NCKAP5: variants seen among roughly 807,000 people sequenced by gnomAD.
NCKAP5 encodes NCK associated protein 5, also known as nck-associated protein 5.
In NCKAP5, 92 loss-of-function variants were observed where a neutral mutation model predicts 167.0. That is an observed-to-expected ratio of 0.55 (90% CI 0.47 to 0.66). The LOEUF (loss-of-function observed/expected upper bound fraction) is 0.66. NCKAP5 is among the 30% of genes least tolerant of loss of function. The probability of loss-of-function intolerance (pLI) is 0.00; values close to 1 mark genes in which losing one functional copy is unlikely to be tolerated. For synonymous variants in NCKAP5, 891 were observed against 877.4 expected, an observed-to-expected ratio of 1.02 and a Z score of -0.27; for missense variants, 2,378 against 2,315.0, an observed-to-expected ratio of 1.03 and a Z score of -0.56.
chr2:133,231,694 A>G (rs929483937), intron 4 of NCKAP5, among the ~76,000 whole-genome samples: 12 of 152,214 alleles, frequency 7.9e-5, no homozygotes, highest in Non-Finnish European at 1.3e-4. Context: ...ATCAAAAAAA[A>G]AATACTAACG....
At chr2:133,259,522 T>C (rs1043867359) in intron 4 of NCKAP5, among the ~76,000 whole-genome samples, 1 of 152,172 alleles carries the variant, frequency 6.6e-6, no homozygotes, top group Non-Finnish European at 1.5e-5. Flanking sequence ...AGGGAGATCA[T>C]GTCAAAACAG....
rs72987688 is a variant in NCKAP5 at position 133,331,635 on chromosome 2, A to C, written c.70-28525T>G. ...GACTTGGGTACTACTTTTCCACTTAAGGGCATAAACAGCCAACCCAGGACC... is the reference window on the plus strand; with the variant it reads ...GACTTGGGTACTACTTTTCCACTTACGGGCATAAACAGCCAACCCAGGACC... On this transcript the variant is annotated intron_variant, in intron 3 of 19. Coordinates refer to ENST00000409261, the MANE Select transcript of NCKAP5 (RefSeq NM_207363.3). Among the ~76,000 whole-genome samples the C allele has an allele frequency of 3.3e-3, 503 of 152,284 alleles. 6 individuals are homozygous for C. The highest frequency in any genetic ancestry group is 0.011 in the African/African-American group (473 of 41,554).
At chr2:133,398,422 T>G (rs572138060) in intron 3 of NCKAP5, among the ~76,000 whole-genome samples, 21 of 152,238 alleles carry the variant, frequency 1.4e-4, no homozygotes, top group African/African-American at 4.8e-4. Context: ...TCTTAAAACT[T>G]AAAGTAACAT....
chr2:133,071,343 G>A (rs924943491), intron 6 of NCKAP5, among the ~76,000 whole-genome samples: 1 of 151,978 alleles, frequency 6.6e-6, no homozygotes, highest in African/African-American at 2.4e-5. Flanking sequence ...TACTTGGGAG[G>A]CTGAGGCAGG....
chr2:133,109,178 G>A (rs150841009), intron 6 of NCKAP5, among the ~76,000 whole-genome samples: 25 of 152,226 alleles, frequency 1.6e-4, no homozygotes, highest in Middle Eastern at 3.4e-3. Flanking sequence ...AGCATCTTGG[G>A]ATAAACGTGC....
intron 11 of NCKAP5, among the ~76,000 whole-genome samples, chr2:132,817,135 A>G (rs926392167): frequency 1.3e-5 from 2 of 152,250 alleles, no homozygotes; most frequent in African/African-American, 4.8e-5. Context: ...AGTACCATGT[A>G]GCCTGCTGCT....
chr2:133,104,859 C>T (rs996874244), intron 6 of NCKAP5, among the ~76,000 whole-genome samples: 1 of 152,194 alleles, frequency 6.6e-6, no homozygotes, highest in South Asian at 2.1e-4. Context: ...CCTGCTTCTT[C>T]CAGATGTGAA....
At chr2:132,817,143 G>C (rs1269351056) in intron 11 of NCKAP5, among the ~76,000 whole-genome samples, 1 of 152,218 alleles carries the variant, frequency 6.6e-6, no homozygotes, top group East Asian at 1.9e-4. Flanking sequence ...GTAGCCTGCT[G>C]CTGGTCCACT....
chr2:133,268,024 C>T (rs2089324833), intron 4 of NCKAP5, among the ~76,000 whole-genome samples: 1 of 152,214 alleles, frequency 6.6e-6, no homozygotes, highest in African/African-American at 2.4e-5. Flanking sequence ...CCTTGAATGA[C>T]AGTATTTGTT....
intron 16 of NCKAP5, among the ~76,000 whole-genome samples, chr2:132,759,477 T>C (rs2104845788): frequency 6.6e-6 from 1 of 152,284 alleles, no homozygotes; most frequent in East Asian, 1.9e-4. Context: ...ACAATATTTT[T>C]CCTTAATACT....
the NCKAP5 span, among the ~76,000 whole-genome samples, chr2:133,627,633 T>C: frequency 2.0e-5 from 3 of 152,094 alleles, no homozygotes; most frequent in Admixed American, 2.0e-4. Flanking sequence ...ATTAGCCAAG[T>C]GTGGTGACGT....
the NCKAP5 span, among the ~76,000 whole-genome samples, chr2:133,674,439 G>A: frequency 2.0e-5 from 3 of 152,150 alleles, no homozygotes; most frequent in Non-Finnish European, 4.4e-5. Context: ...ATTTAAAAAT[G>A]TACCATCCTG....
intron 4 of NCKAP5, among the ~76,000 whole-genome samples, chr2:133,224,910 G>T (rs1455633872): frequency 6.6e-6 from 1 of 152,048 alleles, no homozygotes; most frequent in African/African-American, 2.4e-5. Context: ...AATCATTGAA[G>T]AAACACTTAA....
chr2:133,302,618 CTG>C (rs1401932041), intron 4 of NCKAP5, among the ~76,000 whole-genome samples: 5 of 109,674 alleles, frequency 4.6e-5, no homozygotes, highest in Non-Finnish European at 9.0e-5. Context: ...ATATCACACT[CTG>C]GGGACTGTGG....
At chr2:132,745,936 T>C (rs1679601467) in intron 16 of NCKAP5, among the ~76,000 whole-genome samples, 1 of 152,018 alleles carries the variant, frequency 6.6e-6, no homozygotes. Context: ...AATACTGACA[T>C]AAATGGAGAG....
At chr2:132,716,887 C>T (rs1411862069) in intron 19 of NCKAP5, among the ~76,000 whole-genome samples, 1 of 152,148 alleles carries the variant, frequency 6.6e-6, no homozygotes, top group East Asian at 1.9e-4. Context: ...TCTGAGGGCA[C>T]AGTGGGTTCT....
At chr2:133,663,546 T>C in the NCKAP5 span, among the ~76,000 whole-genome samples, 1 of 152,260 alleles carries the variant, frequency 6.6e-6, no homozygotes, top group African/African-American at 2.4e-5. Flanking sequence ...CAACTAAGTT[T>C]ATGAATATTC....
chr2:132,741,896 T>C (rs576284379), intron 16 of NCKAP5, among the ~76,000 whole-genome samples: 19 of 152,230 alleles, frequency 1.2e-4, no homozygotes, highest in African/African-American at 4.6e-4. Flanking sequence ...GGTATCTCCT[T>C]TTAACCCACT....
chr2:132,837,563 T>C (rs1367899795), intron 11 of NCKAP5, among the ~76,000 whole-genome samples: 1 of 152,078 alleles, frequency 6.6e-6, no homozygotes, highest in African/African-American at 2.4e-5. Context: ...GTACAATTTT[T>C]TTTTTGCATT....
Sources: gnomAD v4.1 joint callset for allele counts (sites outside exome capture counted in the v4.1 genomes callset) on GRCh38, gnomAD v4.1.1 for gene constraint, MANE v1.5 for transcripts, NCBI Gene and HGNC (gene_info 2026-07-23, HGNC 2026-07-21) for gene names.